CAPZB: variants seen among roughly 807,000 people sequenced by gnomAD.
The protein encoded by CAPZB is capping actin protein of muscle Z-line subunit beta, also known as F-actin-capping protein subunit beta.
In CAPZB, 2 loss-of-function variants were observed where a neutral mutation model predicts 38.1. The ratio of observed to expected loss-of-function variants is 0.05; its 90% CI spans 0.02 to 0.17. The LOEUF (loss-of-function observed/expected upper bound fraction) is 0.17, where lower values mean the gene tolerates loss of function less well. Among genes scored for constraint, CAPZB ranks in the 10% least tolerant of loss-of-function variants. The pLI, the probability that CAPZB is intolerant of heterozygous loss-of-function variation, is 1.00. For synonymous variants in CAPZB, 107 were observed against 127.4 expected, an observed-to-expected ratio of 0.84 and a Z score of 1.08; for missense variants, 161 against 334.2, an observed-to-expected ratio of 0.48 and a Z score of 4.04.
At position 19,357,930 on chromosome 1, in the gene CAPZB, G is replaced by A. The variant is rs985568704; in HGVS notation, c.330-367C>T. On this transcript the variant is annotated intron_variant, in intron 4 of 8. Transcript: ENST00000264202. The surrounding 1 kb of genome is among the most constrained non-coding windows in gnomAD (Gnocchi z 4.3). ...CATGACTACTGGAGTCACCACGGTT[G>A]TTCGATATTTCTGTCTTTTGGGATA... 6.6e-6 allele frequency among the ~76,000 whole-genome samples: 1 copy of A among 152,134 alleles called. No homozygotes were observed. Among genetic ancestry groups the A allele is most frequent in the Non-Finnish European group, 1.5e-5 (1 of 68,016 alleles).
chr1:19,370,157 G>A (rs950961061), intron 4 of CAPZB, among the ~76,000 whole-genome samples: 5 of 152,266 alleles, frequency 3.3e-5, no homozygotes, highest in South Asian at 2.1e-4. Context: ...GTCCTGTTCC[G>A]GCCTCCACTC....
chr1:19,357,526 C>A lies in CAPZB; in HGVS notation c.367G>T (p.Asp123Tyr). 6.2e-7 allele frequency: 1 copy of A among 1,614,008 alleles called. No homozygotes were observed. The highest frequency in any genetic ancestry group is 1.1e-5 in the South Asian group (1 of 91,078). Residue 123 changes from aspartate (D) to tyrosine (Y), a missense_variant, in exon 5 of 9, where the codon GAT becomes TAT. By Grantham distance (160) the Asp-to-Tyr change is radical. Coordinates refer to ENST00000264202, the MANE Select transcript of CAPZB (RefSeq NM_004930.5). This position sits in a 1 kb window ranked among gnomAD's most constrained non-coding sequence, Gnocchi z 4.3. The part of the protein sequence containing the change: ...EGGVSSVYLW[D>Y]LDHGFAGVIL... ...ACTCCAGCAAAGCCATGATCCAGAT[C>A]CCAGAGGTAGACAGATGAGACGCCA...
intron 6 of CAPZB, among the ~76,000 whole-genome samples, chr1:19,353,201 T>C (rs2094001344): frequency 6.6e-6 from 1 of 152,194 alleles, no homozygotes; most frequent in Non-Finnish European, 1.5e-5. Context: ...GGGATGGCTC[T>C]TGGGGCTAGG....
At chr1:19,478,810 A>C (rs1358282707) in intron 1 of CAPZB, among the ~76,000 whole-genome samples, 1 of 152,264 alleles carries the variant, frequency 6.6e-6, no homozygotes, top group East Asian at 1.9e-4. Context: ...AGCATAGCGC[A>C]GTGCCAGGAC....
At chr1:19,383,430 G>C (rs192920368) in intron 3 of CAPZB, among the ~76,000 whole-genome samples, 7 of 136,100 alleles carry the variant, frequency 5.1e-5, no homozygotes, top group Non-Finnish European at 9.1e-5. Context: ...CTGGACAACA[G>C]AGTGAGACTC....
At chr1:19,436,967 G>A (rs550988041) in intron 1 of CAPZB, among the ~76,000 whole-genome samples, 6 of 152,332 alleles carry the variant, frequency 3.9e-5, no homozygotes, top group African/African-American at 1.4e-4. Context: ...TGTGGAGCCT[G>A]GATGGTTCAG....
chr1:19,433,923 C>CGT lies in CAPZB; in HGVS notation c.4-14174_4-14173insAC, dbSNP rs796334103. Among the ~76,000 whole-genome samples, 12 of 152,364 alleles carry CGT rather than the reference C, an allele frequency of 7.9e-5. No individual in the cohort carries two copies. The South Asian group carries it at 2.5e-3, about 32-fold the overall frequency. ...CACTGACACCATGGGCCCAGCACTG[C>CGT]AGAGCACAACAGAATTCTGCAACAA... On this transcript the variant is annotated intron_variant, in intron 1 of 8. Coordinates refer to ENST00000264202, the MANE Select transcript of CAPZB (RefSeq NM_004930.5).
At chr1:19,392,400 T>A (rs948514807) in intron 2 of CAPZB, among the ~76,000 whole-genome samples, 3 of 151,716 alleles carry the variant, frequency 2.0e-5, no homozygotes, top group Non-Finnish European at 2.9e-5. Context: ...CAGAGGCCAC[T>A]GAGGCAAGTG....
At chr1:19,470,061 A>T (rs1225449907) in intron 1 of CAPZB, among the ~76,000 whole-genome samples, 1 of 152,142 alleles carries the variant, frequency 6.6e-6, no homozygotes, top group Non-Finnish European at 1.5e-5. Flanking sequence ...CTCTACAAAA[A>T]ATACAAAAAT....
chr1:19,432,149 A>C (rs1215461940), intron 1 of CAPZB, among the ~76,000 whole-genome samples: 2 of 151,938 alleles, frequency 1.3e-5, no homozygotes, highest in Non-Finnish European at 2.9e-5. Flanking sequence ...AAGAATATTT[A>C]TATATTGTCC....
intron 1 of CAPZB, among the ~76,000 whole-genome samples, chr1:19,427,800 C>A (rs564997329): frequency 6.6e-6 from 1 of 152,360 alleles, no homozygotes; most frequent in East Asian, 1.9e-4. Flanking sequence ...GGAATCACAG[C>A]CACGACAGAA....
At chr1:19,351,983 C>A (rs911170078) in intron 6 of CAPZB, among the ~76,000 whole-genome samples, 2 of 152,180 alleles carry the variant, frequency 1.3e-5, no homozygotes, top group African/African-American at 4.8e-5. Context: ...ACCCAGACGC[C>A]CCTTGAAGCT....
At chr1:19,342,917 G>T in intron 8 of CAPZB, 1 of 1,108,490 alleles carries the variant, frequency 9.0e-7, no homozygotes, top group Non-Finnish European at 1.4e-6. Context: ...ACGACGAGAA[G>T]CCAGGAACGC....
chr1:19,345,305 C>T lies in CAPZB; in HGVS notation c.589-53G>A, dbSNP rs144736294. The T allele has an allele frequency of 5.6e-4, 786 of 1,415,246 alleles. 2 individuals carry two copies. In the East Asian group the frequency reaches 8.2e-3, roughly 15 times the overall value. The allele number at this position is 1,415,246 out of a possible 1,614,324, so 87.7% of individuals were successfully genotyped here. A position where few individuals can be genotyped will look rare whatever the true frequency, so the allele number is the denominator to read the frequency against. On this transcript the variant is annotated intron_variant, in intron 6 of 8. Coordinates refer to ENST00000264202, the MANE Select transcript of CAPZB (RefSeq NM_004930.5). ...AGAGAAAGCCAGAGATTTCTGAGAA[C>T]GGCAGACAGCCCACCCCACCTCCAC...
chr1:19,413,718 G>C (rs1182558610), intron 2 of CAPZB, among the ~76,000 whole-genome samples: 1 of 152,164 alleles, frequency 6.6e-6, no homozygotes, highest in Non-Finnish European at 1.5e-5. Flanking sequence ...AGGCTAAAGG[G>C]GAAGCTAGGG....
At chr1:19,370,096 G>A (rs1441435383) in intron 4 of CAPZB, among the ~76,000 whole-genome samples, 2 of 152,116 alleles carry the variant, frequency 1.3e-5, no homozygotes, top group African/African-American at 4.8e-5. Context: ...CTCCCAGAAT[G>A]ACACCCAGAG....
At chr1:19,479,221 C>CA (rs113094022) in intron 1 of CAPZB, among the ~76,000 whole-genome samples, 1,908 of 151,308 alleles carry the variant, frequency 0.013, 34 homozygotes, top group African/African-American at 0.044. Context: ...AACAAACAAA[C>CA]AAAAAAAAAC....
rs1373163749 is a variant in CAPZB at position 19,483,045 on chromosome 1, T to C, written c.3+2391A>G. On this transcript the variant is annotated intron_variant, in intron 1 of 8. Coordinates refer to ENST00000264202, the MANE Select transcript of CAPZB (RefSeq NM_004930.5). ...TGGTTTCTTCCAACGCCAGGTGCTG[T>C]TCTAGGCCCCACGGATACAGCTGCG... Among the ~76,000 whole-genome samples, 5 of 152,282 alleles carry C rather than the reference T, an allele frequency of 3.3e-5. No homozygotes were observed. In the East Asian group the frequency reaches 9.6e-4, roughly 29 times the overall value.
intron 4 of CAPZB, among the ~76,000 whole-genome samples, chr1:19,373,246 C>G (rs1332156819): frequency 6.6e-6 from 1 of 152,126 alleles, no homozygotes; most frequent in Non-Finnish European, 1.5e-5. Flanking sequence ...CCCCTGCACC[C>G]CTACTCGCCT....
Sources: allele counts gnomAD v4.1 joint callset (sites outside exome capture counted in the v4.1 genomes callset), GRCh38; gene constraint gnomAD v4.1.1; non-coding constraint Gnocchi (gnomAD v3.1); transcripts MANE v1.5; gene names NCBI Gene and HGNC (gene_info 2026-07-23, HGNC 2026-07-21).